MBD5: variants seen among roughly 807,000 people sequenced by gnomAD.
MBD5 encodes methyl-CpG-binding domain protein 5.
MBD5 carries 13 observed loss-of-function variants against 117.3 expected under a neutral mutation model. The observed-to-expected ratio is 0.11, with a 90% CI of 0.07 to 0.18. The LOEUF (loss-of-function observed/expected upper bound fraction) is 0.18, where lower values mean the gene tolerates loss of function less well. Ranked by LOEUF, MBD5 falls within the 10% of genes least tolerant of loss-of-function variation. The probability of loss-of-function intolerance (pLI) is 1.00; values close to 1 mark genes in which losing one functional copy is unlikely to be tolerated. For missense variants in MBD5, 1,879 were observed against 2,093.8 expected (o/e 0.90, Z 2.00); for synonymous variants, 727 against 766.4 (o/e 0.95, Z 0.85).
chr2:148,166,980 T>A (rs1210889211), intron 1 of MBD5, among the ~76,000 whole-genome samples: 1 of 152,156 alleles, frequency 6.6e-6, no homozygotes, highest in Non-Finnish European at 1.5e-5. Flanking sequence ...TTGATAATTT[T>A]TAAAGTCACA....
At position 148,470,024 on chromosome 2, in the gene MBD5, G is replaced by T. The variant is rs1417817158; in HGVS notation, c.2081G>T (p.Gly694Val). Residue 694 changes from glycine to valine, a missense_variant, in exon 8 of 14, where the codon GGT (glycine) becomes GTT (valine). By Grantham distance (109) the Gly-to-Val change is moderately radical. This residue lies in a region of MBD5 where 1,666 missense variants were observed against 1,792.2 expected (regional missense o/e 0.93). Transcript: ENST00000642680. ...GPDLLRKQGQGSFPISSMSQL... is the reference protein window; with the variant it reads ...GPDLLRKQGQVSFPISSMSQL... The stretch of plus-strand genomic sequence containing the variant: ...GACTTGCTAAGGAAGCAGGGTCAGG[G>T]TTCATTTCCCATCAGTTCAATGTCT... 9 of 1,613,822 alleles carry T rather than the reference G, an allele frequency of 5.6e-6. No individual in the cohort carries two copies. Among genetic ancestry groups the T allele is most frequent in the Admixed American group, 3.3e-5 (2 of 59,968 alleles).
intron 4 of MBD5, among the ~76,000 whole-genome samples, chr2:148,406,888 C>T (rs1705095471): frequency 6.6e-6 from 1 of 152,150 alleles, no homozygotes; most frequent in African/African-American, 2.4e-5. Context: ...AGAGACTTCC[C>T]ATTTATCTAA....
Position 148,513,165 on chromosome 2 carries a change from C to A in MBD5, c.*224C>A. 1 of 548,852 alleles carries A rather than the reference C, an allele frequency of 1.8e-6. No homozygotes were observed. Among genetic ancestry groups the A allele is most frequent in the Non-Finnish European group, 3.3e-6 (1 of 307,346 alleles). The allele number at this position is 548,852 out of a possible 1,614,324, so 34.0% of individuals were successfully genotyped here. On this transcript the variant is annotated 3_prime_UTR_variant, in exon 14 of 14. Coordinates refer to ENST00000642680, the MANE Select transcript of MBD5 (RefSeq NM_001378120.1). ...AAAGTCTCTGTGTGATGAGAGTGAT[C>A]AATGGTCAAGAGATTACTGAGAAAC...
chr2:148,134,213 C>CAGAT lies in MBD5; in HGVS notation c.-924-44466_-924-44463dup, dbSNP rs1308418845. ...AGATAGATGATTGATAGATAGATGA[C>CAGAT]AGATAGATAGATAGATAGATAGATC... is the stretch of plus-strand genomic sequence containing the variant. On this transcript the variant is annotated intron_variant, in intron 1 of 13. Coordinates refer to ENST00000642680, the MANE Select transcript of MBD5 (RefSeq NM_001378120.1). Among the ~76,000 whole-genome samples, 747 of 130,310 alleles carry CAGAT rather than the reference C, an allele frequency of 5.7e-3. 6 individuals are homozygous for CAGAT. Among genetic ancestry groups the CAGAT allele is most frequent in the African/African-American group, 0.018 (632 of 35,362 alleles). The allele number at this position is 130,310 out of a possible 152,430, so 85.5% of individuals were successfully genotyped here. A position where few individuals can be genotyped will look rare whatever the true frequency, so the allele number is the denominator to read the frequency against.
At chr2:148,203,076 G>A (rs1699182611) in intron 2 of MBD5, among the ~76,000 whole-genome samples, 1 of 141,194 alleles carries the variant, frequency 7.1e-6, no homozygotes, top group African/African-American at 2.7e-5. Context: ...TTGCACTCTA[G>A]CCCAGGCAAC....
chr2:148,322,459 T>C (rs1181500757), intron 3 of MBD5, among the ~76,000 whole-genome samples: 2 of 152,248 alleles, frequency 1.3e-5, no homozygotes, highest in Non-Finnish European at 2.9e-5. Flanking sequence ...CGTTAGTTTC[T>C]AAGAGTTGCT....
At chr2:148,311,322 C>G (rs982419069) in intron 3 of MBD5, among the ~76,000 whole-genome samples, 1 of 152,030 alleles carries the variant, frequency 6.6e-6, no homozygotes, top group African/African-American at 2.4e-5. Flanking sequence ...TTATGAATCT[C>G]TCAGTGCTCC....
chr2:148,330,408 A>G (rs1702614497), intron 3 of MBD5: 1 of 152,174 alleles, frequency 6.6e-6, no homozygotes, highest in Non-Finnish European at 1.5e-5. Context: ...AGCTACCAGA[A>G]GTAGCAGGAA....
At chr2:148,088,523 C>A (rs1174361396) in intron 1 of MBD5, among the ~76,000 whole-genome samples, 3 of 152,084 alleles carry the variant, frequency 2.0e-5, no homozygotes, top group African/African-American at 7.2e-5. Context: ...CAGCAGAAAC[C>A]CTACAAGCCA....
chr2:148,410,250 A>G (rs1372530526), intron 4 of MBD5, among the ~76,000 whole-genome samples: 14 of 152,142 alleles, frequency 9.2e-5, no homozygotes, highest in Non-Finnish European at 1.6e-4. Context: ...GTAAAAAGCA[A>G]TACTTCTTTA....
chr2:148,424,177 C>CAAAAAAAAAAAAA lies in MBD5; in HGVS notation c.-556-33999_-556-33987dup, dbSNP rs56740583. 5.2e-4 allele frequency among the ~76,000 whole-genome samples: 28 copies of CAAAAAAAAAAAAA among 53,450 alleles called. 2 individuals carry two copies. Among genetic ancestry groups the CAAAAAAAAAAAAA allele is most frequent in the East Asian group, 1.3e-3 (1 of 756 alleles). 35.1% of individuals were successfully genotyped at this position (53,450 alleles called of 152,430 possible). The stretch of plus-strand genomic sequence containing the variant: ...TGGGCAACAGAGCAAGACTCTGTCT[C>CAAAAAAAAAAAAA]AAAAAAAAAAAAAAAAAAAAAAAAA... On this transcript the variant is annotated intron_variant, in intron 4 of 13. Transcript: ENST00000642680.
intron 3 of MBD5, among the ~76,000 whole-genome samples, chr2:148,234,087 C>T (rs1423636008): frequency 6.6e-6 from 1 of 151,922 alleles, no homozygotes; most frequent in Non-Finnish European, 1.5e-5. Flanking sequence ...AGAAATTGAC[C>T]ATATATATTT....
chr2:148,304,429 A>G (rs745379262), intron 3 of MBD5, among the ~76,000 whole-genome samples: 1 of 152,220 alleles, frequency 6.6e-6, no homozygotes, highest in African/African-American at 2.4e-5. Flanking sequence ...AAAAAAGTCT[A>G]GCATCACTGA....
At chr2:148,373,355 A>T (rs915834095) in intron 4 of MBD5, among the ~76,000 whole-genome samples, 4 of 152,156 alleles carry the variant, frequency 2.6e-5, no homozygotes, top group African/African-American at 9.7e-5. Flanking sequence ...TGAGAAGTGC[A>T]TATTGAATAA....
chr2:148,357,716 A>G (rs536220091), intron 4 of MBD5, among the ~76,000 whole-genome samples: 1 of 151,994 alleles, frequency 6.6e-6, no homozygotes, highest in Non-Finnish European at 1.5e-5. Context: ...GTTCTTTTGC[A>G]TGATACTTTG....
At position 148,468,966 on chromosome 2, in the gene MBD5, A is replaced by C. The variant is rs749486549; in HGVS notation, c.1023A>C (p.Pro341=). Residue 341 remains proline (P), a synonymous_variant, in exon 8 of 14, where the codon CCA becomes CCC. Coordinates refer to ENST00000642680, the MANE Select transcript of MBD5 (RefSeq NM_001378120.1). ...CCCAAGGCCCACCTCCCCCTCCTCC[A>C]CCTTCTTGTGCTCTTCAGAAAAAGC... ...KPPQGPPPPP[P]PSCALQKKPL... The C allele has an allele frequency of 2.5e-6, 4 of 1,611,262 alleles. No homozygotes were observed. Among genetic ancestry groups the C allele is most frequent in the Middle Eastern group, 1.7e-4 (1 of 6,058 alleles).
At chr2:148,263,259 A>T (rs1291765982) in intron 3 of MBD5, among the ~76,000 whole-genome samples, 6 of 152,200 alleles carry the variant, frequency 3.9e-5, no homozygotes, top group Non-Finnish European at 8.8e-5. Flanking sequence ...AATCAGGGAA[A>T]TGTAGGATTG....
At chr2:148,044,784 C>T (rs1054607447) in intron 1 of MBD5, 27 of 152,022 alleles carry the variant, frequency 1.8e-4, no homozygotes, top group African/African-American at 6.0e-4. Flanking sequence ...TGAGAAACTA[C>T]ATGAAAATAC....
intron 1 of MBD5, among the ~76,000 whole-genome samples, chr2:148,076,727 C>T (rs180917630): frequency 2.6e-4 from 39 of 152,286 alleles, no homozygotes; most frequent in Non-Finnish European, 4.1e-4. Flanking sequence ...TAAATCTGTT[C>T]ACTCATTTAT....
Sources: gnomAD v4.1 joint callset for allele counts (sites outside exome capture counted in the v4.1 genomes callset) on GRCh38, gnomAD v4.1.1 for gene constraint, gnomAD v4.1.1 regional missense constraint, MANE v1.5 for transcripts, NCBI Gene and HGNC (gene_info 2026-07-23, HGNC 2026-07-21) for gene names.